HIVEP3: variants seen among roughly 807,000 people sequenced by gnomAD.
HIVEP3 encodes transcription factor HIVEP3.
In HIVEP3, 49 loss-of-function variants were observed where a neutral mutation model predicts 152.8. That is an observed-to-expected ratio of 0.32 (90% confidence interval 0.26 to 0.41). The LOEUF (loss-of-function observed/expected upper bound fraction) is 0.41, where lower values mean the gene tolerates loss of function less well. HIVEP3 is among the 10% of genes least tolerant of loss of function. The pLI is 1.00. For synonymous variants in HIVEP3, 1,269 were observed against 1,289.0 expected (o/e 0.98, Z 0.33); for missense variants, 2,790 against 3,103.3 (o/e 0.90, Z 2.40).
At chr1:42,007,666 G>A (rs1358073537) in intron 1 of HIVEP3, among the ~76,000 whole-genome samples, 1 of 152,174 alleles carries the variant, frequency 6.6e-6, no homozygotes, top group East Asian at 1.9e-4. Flanking sequence ...CACTGACACA[G>A]GTGCAAGTGC....
intron 5 of HIVEP3, among the ~76,000 whole-genome samples, chr1:41,557,624 T>C (rs1023987876): frequency 6.8e-6 from 1 of 147,150 alleles, no homozygotes; most frequent in Non-Finnish European, 1.5e-5. Context: ...GGTTGAGGAG[T>C]GATGGGCAGG....
rs774915862 is a variant in HIVEP3 at position 41,830,437 on chromosome 1, C to T, written c.-801+87976G>A. On this transcript the variant is annotated intron_variant, in intron 1 of 8. Coordinates refer to ENST00000372583, the MANE Select transcript of HIVEP3 (RefSeq NM_024503.5). ...TGATGACAGGCTATGGTGGATGCTG[C>T]GGTACTGCCCAGGTCCCCTCCAGCA... Among the ~76,000 whole-genome samples the T allele has an allele frequency of 3.9e-5, 6 of 152,202 alleles. No homozygotes were observed. The East Asian group carries it at 5.8e-4, about 15-fold the overall frequency.
In HIVEP3 at chr1:41,583,159, C is replaced by A. The variant is rs760648145; in HGVS notation, c.1639G>T (p.Ala547Ser). 1 of 1,610,906 alleles carries A rather than the reference C, an allele frequency of 6.2e-7. No individual in the cohort carries two copies. Among genetic ancestry groups the A allele is most frequent in the South Asian group, 1.1e-5 (1 of 90,902 alleles). ...LLRSHSMPSA[A>S]CTISTPHHPF... ...TGGTGGGGGGTGCTGATAGTGCAGG[C>A]GGCAGAAGGCATTGAGTGGCTTCTC... Residue 547 changes from alanine to serine, a missense_variant, in exon 4 of 9, where the codon GCC (alanine) becomes TCC (serine). Ala to Ser is a moderately conservative substitution (Grantham distance 99). Around this residue, in one of 9 missense-constraint regions of HIVEP3, gnomAD observed 339 missense variants for 327.0 expected, o/e 1.04. Coordinates refer to ENST00000372583, the MANE Select transcript of HIVEP3 (RefSeq NM_024503.5). This position sits in a 1 kb window ranked among gnomAD's most constrained non-coding sequence, Gnocchi z 6.9.
chr1:42,004,005 C>T (rs1450447999), intron 1 of HIVEP3, among the ~76,000 whole-genome samples: 1 of 152,170 alleles, frequency 6.6e-6, no homozygotes, highest in Non-Finnish European at 1.5e-5. Flanking sequence ...AGTGACAAGG[C>T]ATCTCATGTT....
chr1:41,845,720 T>C (rs1164517077), intron 1 of HIVEP3, among the ~76,000 whole-genome samples: 1 of 152,196 alleles, frequency 6.6e-6, no homozygotes. Context: ...TTTTATACTA[T>C]TTGAATTTTG....
intron 1 of HIVEP3, among the ~76,000 whole-genome samples, chr1:42,021,615 T>G (rs1364513732): frequency 1.3e-5 from 2 of 151,984 alleles, no homozygotes; most frequent in Non-Finnish European, 2.9e-5. Context: ...AAATATAAAC[T>G]TAGGAGTCAT....
intron 3 of HIVEP3, among the ~76,000 whole-genome samples, chr1:41,597,135 A>AAAAGCAAATTCTATCG (rs1553234281): frequency 1.3e-5 from 2 of 152,114 alleles, no homozygotes; most frequent in Non-Finnish European, 2.9e-5. Context: ...ACACTGGTCA[A>AAAAGCAAATTCTATCG]AAAGCAAATT....
intron 1 of HIVEP3, among the ~76,000 whole-genome samples, chr1:42,010,624 T>G (rs1019788757): frequency 6.6e-6 from 1 of 152,192 alleles, no homozygotes; most frequent in African/African-American, 2.4e-5. Flanking sequence ...GGCTCTACCC[T>G]CAGGATTTCC....
intron 1 of HIVEP3, among the ~76,000 whole-genome samples, chr1:42,025,310 CACT>C (rs952910310): frequency 1.3e-5 from 2 of 152,094 alleles, no homozygotes; most frequent in Admixed American, 1.3e-4. Flanking sequence ...AATGGGAAAC[CACT>C]ACATTTTAAA....
intron 1 of HIVEP3, among the ~76,000 whole-genome samples, chr1:41,993,348 C>T (rs1471987293): frequency 1.3e-4 from 19 of 150,870 alleles, no homozygotes; most frequent in Non-Finnish European, 1.8e-4. Flanking sequence ...AGGACATGAA[C>T]AGACACTTCT....
At position 41,584,841 on chromosome 1, in the gene HIVEP3, C is replaced by A; in HGVS notation, c.-44G>T. 5 of 1,434,016 alleles carry A rather than the reference C, an allele frequency of 3.5e-6. No homozygotes were observed. The highest frequency in any genetic ancestry group is 4.6e-6 in the Non-Finnish European group (5 of 1,083,762). 88.8% of individuals were successfully genotyped at this position (1,434,016 alleles called of 1,614,324 possible). ...AGATGCTATTCAGGGAGAGTCAGGG[C>A]GGGCTGCATTTATGAATAATCCCAG... On this transcript the variant is annotated 5_prime_UTR_variant, in exon 4 of 9. Transcript: ENST00000372583. This position sits in a 1 kb window ranked among gnomAD's most constrained non-coding sequence, Gnocchi z 5.2.
chr1:41,903,842 C>T (rs1644665605), intron 1 of HIVEP3, among the ~76,000 whole-genome samples: 1 of 152,056 alleles, frequency 6.6e-6, no homozygotes, highest in Non-Finnish European at 1.5e-5. Context: ...ATCTTTGCAT[C>T]CCTACTGACC....
intron 5 of HIVEP3, among the ~76,000 whole-genome samples, chr1:41,538,356 C>T (rs879418739): frequency 1.3e-5 from 2 of 151,968 alleles, no homozygotes; most frequent in African/African-American, 2.4e-5. Flanking sequence ...AGCAGTGGCC[C>T]GACAGAAATA....
intron 1 of HIVEP3, among the ~76,000 whole-genome samples, chr1:41,732,745 C>T (rs1297518302): frequency 6.6e-6 from 1 of 152,160 alleles, no homozygotes; most frequent in Admixed American, 6.5e-5. Flanking sequence ...ACGCTCTATC[C>T]CCGAGGACAA....
chr1:41,805,208 G>A (rs560051780), intron 1 of HIVEP3, among the ~76,000 whole-genome samples: 7 of 152,258 alleles, frequency 4.6e-5, no homozygotes, highest in African/African-American at 7.2e-5. Flanking sequence ...TTGGTGGTGC[G>A]TGCCTATAAT....
At chr1:42,033,984 C>T (rs189901530) in intron 1 of HIVEP3, among the ~76,000 whole-genome samples, 1 of 152,236 alleles carries the variant, frequency 6.6e-6, no homozygotes. Context: ...ATCTGTAAAC[C>T]CCTCAAAACA....
At chr1:41,865,949 A>T (rs1332946165) in intron 1 of HIVEP3, among the ~76,000 whole-genome samples, 1 of 152,168 alleles carries the variant, frequency 6.6e-6, no homozygotes, top group Non-Finnish European at 1.5e-5. Flanking sequence ...ATAAACTAAC[A>T]AGGCTTTTAT....
chr1:41,784,809 T>C (rs1649253664), intron 1 of HIVEP3, among the ~76,000 whole-genome samples: 1 of 152,246 alleles, frequency 6.6e-6, no homozygotes, highest in African/African-American at 2.4e-5. Context: ...TTTGTAATTA[T>C]TAGCCACAAA....
intron 1 of HIVEP3, among the ~76,000 whole-genome samples, chr1:41,978,163 G>T (rs1645271694): frequency 6.6e-6 from 1 of 152,026 alleles, no homozygotes; most frequent in Admixed American, 6.6e-5. Flanking sequence ...TACTTGGCTG[G>T]TGCCTCAGCC....
Sources: gnomAD v4.1 joint callset for allele counts (sites outside exome capture counted in the v4.1 genomes callset) on GRCh38, gnomAD v4.1.1 for gene constraint, gnomAD v4.1.1 regional missense constraint, Gnocchi (gnomAD v3.1) non-coding constraint, MANE v1.5 for transcripts, NCBI Gene and HGNC (gene_info 2026-07-23, HGNC 2026-07-21) for gene names.